Variants in STRBP observed in about 807,000 individuals in gnomAD.
STRBP encodes the protein spermatid perinuclear RNA-binding protein.
In STRBP, 13 loss-of-function variants were observed where a neutral mutation model predicts 80.1. That is an observed-to-expected ratio of 0.16 (90% CI 0.11 to 0.26). The LOEUF is 0.26. Ranked by LOEUF, STRBP falls within the 10% of genes least tolerant of loss-of-function variation. STRBP has a pLI of 1.00. For synonymous variants in STRBP, 284 were observed against 291.2 expected (o/e 0.98, Z 0.25); for missense variants, 485 against 815.2 (o/e 0.59, Z 4.93).
At chr9:123,162,972 T>C (rs887020567) in intron 6 of STRBP, among the ~76,000 whole-genome samples, 1 of 152,222 alleles carries the variant, frequency 6.6e-6, no homozygotes, top group African/African-American at 2.4e-5. Flanking sequence ...CTACTGTAAA[T>C]GAATGTTTAC....
At chr9:123,250,415 A>C (rs775767315) in intron 1 of STRBP, among the ~76,000 whole-genome samples, 7 of 152,236 alleles carry the variant, frequency 4.6e-5, no homozygotes, top group Non-Finnish European at 7.3e-5. Flanking sequence ...AATTTTTATC[A>C]GATATAATTT....
chr9:123,141,117 G>A (rs2036574218), intron 13 of STRBP, among the ~76,000 whole-genome samples: 1 of 152,150 alleles, frequency 6.6e-6, no homozygotes, highest in African/African-American at 2.4e-5. Flanking sequence ...CATAATAGGT[G>A]CTCCAAAAAA....
intron 18 of STRBP, among the ~76,000 whole-genome samples, chr9:123,127,866 A>T (rs7022012): frequency 0.078 from 11,814 of 152,326 alleles, 641 homozygotes; most frequent in African/African-American, 0.15. Context: ...TGTGGCTTTA[A>T]AACTGGTAGG....
intron 2 of STRBP, among the ~76,000 whole-genome samples, chr9:123,219,304 C>G (rs1453934147): frequency 6.6e-6 from 1 of 152,118 alleles, no homozygotes; most frequent in Non-Finnish European, 1.5e-5. Flanking sequence ...TTCCCCCGAC[C>G]CAAAGAGTCT....
intron 2 of STRBP, among the ~76,000 whole-genome samples, chr9:123,194,464 A>C (rs2039027607): frequency 6.6e-6 from 1 of 152,094 alleles, no homozygotes; most frequent in Non-Finnish European, 1.5e-5. Context: ...CAGCATTCCC[A>C]CATGTTGTAA....
intron 2 of STRBP, among the ~76,000 whole-genome samples, chr9:123,216,135 G>A (rs961295196): frequency 3.3e-5 from 5 of 152,102 alleles, no homozygotes; most frequent in African/African-American, 4.8e-5. Flanking sequence ...CACAGGAAGC[G>A]TCCTCTCATC....
rs551900557 is a variant in STRBP at position 123,147,150 on chromosome 9, A to C, written c.1139-96T>G. The C allele has an allele frequency of 5.7e-5, 53 of 924,122 alleles. No homozygotes were observed. The African/African-American group carries it at 8.8e-4, about 15-fold the overall frequency. 57.2% of individuals were successfully genotyped at this position (924,122 alleles called of 1,614,324 possible). ...CCTAGTAACTACTGTAAATTCACCA[A>C]AATTTTTTTAAATGAGGATTTCAAA... On this transcript the variant is annotated intron_variant, in intron 12 of 18. Transcript: ENST00000348403.
Position 123,142,241 on chromosome 9 carries a change from G to C in STRBP, c.1339-2554C>G, listed in dbSNP as rs1380715267. On this transcript the variant is annotated intron_variant, in intron 13 of 18. Coordinates refer to ENST00000348403, the MANE Select transcript of STRBP (RefSeq NM_018387.5). ...GGTTTAGTACCATCCCCTTAATGCTGTCTCATGGCAGAGTTCTCAAGAGAT... is the reference window on the plus strand; with the variant it reads ...GGTTTAGTACCATCCCCTTAATGCTCTCTCATGGCAGAGTTCTCAAGAGAT... Among the ~76,000 whole-genome samples the C allele has an allele frequency of 2.0e-5, 3 of 152,284 alleles. No individual in the cohort carries two copies. In the East Asian group the frequency reaches 5.8e-4, roughly 29 times the overall value.
intron 3 of STRBP, chr9:123,113,752 A>G (rs1189395010): frequency 1.2e-5 from 2 of 167,096 alleles, no homozygotes; most frequent in Non-Finnish European, 2.9e-5. Context: ...TCTATAGTCT[A>G]AGGGGTTGGT....
At chr9:123,163,245 G>A (rs2037603565) in intron 6 of STRBP, among the ~76,000 whole-genome samples, 1 of 152,168 alleles carries the variant, frequency 6.6e-6, no homozygotes, top group Admixed American at 6.5e-5. Flanking sequence ...GGGATCAGAG[G>A]TTGTAATTAG....
At chr9:123,154,940 G>A (rs1329278012) in intron 11 of STRBP, among the ~76,000 whole-genome samples, 1 of 152,202 alleles carries the variant, frequency 6.6e-6, no homozygotes, top group Non-Finnish European at 1.5e-5. Flanking sequence ...GGGAGATACT[G>A]CAGCAGGTTT....
chr9:123,134,842 A>C (rs1313031966), intron 16 of STRBP, among the ~76,000 whole-genome samples: 1 of 152,246 alleles, frequency 6.6e-6, no homozygotes, highest in Non-Finnish European at 1.5e-5. Flanking sequence ...CTTTCAACTA[A>C]TTTAGAACAT....
At chr9:123,116,139 G>A (rs1004826358) in intron 2 of STRBP, 2 of 455,280 alleles carry the variant, frequency 4.4e-6, no homozygotes, top group African/African-American at 4.0e-5. Flanking sequence ...AGACTTCCGA[G>A]AAGTCTCATG....
Position 123,160,482 on chromosome 9 carries a change from T to C in STRBP, c.628-20A>G. 1.9e-6 allele frequency: 3 copies of C among 1,569,216 alleles called. No individual in the cohort carries two copies. The highest frequency in any genetic ancestry group is 1.7e-6 in the Non-Finnish European group (2 of 1,148,948). On this transcript the variant is annotated intron_variant, in intron 7 of 18. Transcript: ENST00000348403. ...CCTTGCCTAAAACAAACAAAATGAT[T>C]CCAGATATCCCTATTGAGATCTATT...
intron 1 of STRBP, among the ~76,000 whole-genome samples, chr9:123,246,999 T>C (rs2040812280): frequency 6.6e-6 from 1 of 152,152 alleles, no homozygotes; most frequent in Admixed American, 6.5e-5. Context: ...AAAATGTTAA[T>C]CCATTACTAT....
intron 1 of STRBP, among the ~76,000 whole-genome samples, chr9:123,241,910 C>G (rs1324764758): frequency 6.6e-6 from 1 of 152,212 alleles, no homozygotes; most frequent in Non-Finnish European, 1.5e-5. Context: ...CCCAGGTGAT[C>G]TGGCCCCTGC....
At chr9:123,186,269 G>A (rs1484885265) in intron 2 of STRBP, among the ~76,000 whole-genome samples, 1 of 152,156 alleles carries the variant, frequency 6.6e-6, no homozygotes, top group Admixed American at 6.5e-5. Flanking sequence ...GATCACTTGA[G>A]CCCAGTAGGG....
rs376668437 is a variant in STRBP, at chr9:123,191,662, C to A, written c.-164-7364G>T. Among the ~76,000 whole-genome samples the A allele has an allele frequency of 4.6e-5, 7 of 152,056 alleles. No individual in the cohort carries two copies. In the East Asian group the frequency reaches 5.8e-4, roughly 13 times the overall value. ...TTTGAATTACATGTAATTTTCACAT[C>A]AAAAAATATCAATTTTTGATATTTT... is the stretch of plus-strand genomic sequence containing the variant. On this transcript the variant is annotated intron_variant, in intron 2 of 18. Transcript: ENST00000348403.
chr9:123,130,386 C>A (rs2036084229), intron 17 of STRBP, among the ~76,000 whole-genome samples: 1 of 152,128 alleles, frequency 6.6e-6, no homozygotes, highest in African/African-American at 2.4e-5. Flanking sequence ...ACAGGCCTTT[C>A]AGGGAGGTCA....
Sources: gnomAD v4.1 joint callset for allele counts (sites outside exome capture counted in the v4.1 genomes callset) on GRCh38, gnomAD v4.1.1 for gene constraint, MANE v1.5 for transcripts, NCBI Gene and HGNC (gene_info 2026-07-23, HGNC 2026-07-21) for gene names.